GSE1: variants seen among roughly 807,000 people sequenced by gnomAD.
GSE1 encodes genetic suppressor element 1.
Under a neutral mutation model 112.6 loss-of-function variants are expected in GSE1, and 32 were observed. The observed-to-expected ratio is 0.28, with a 90% confidence interval of 0.21 to 0.38. The LOEUF is 0.38. GSE1 is among the 10% of genes least tolerant of loss of function. The pLI is 1.00. For missense variants in GSE1, 2,348 were observed against 1,699.2 expected (o/e 1.38, Z -6.71); for synonymous variants, 1,115 against 735.6 (o/e 1.52, Z -8.35).
At chr16:85,669,837 G>C (rs1235618724) in intron 14 of GSE1, among the ~76,000 whole-genome samples, 1 of 152,136 alleles carries the variant, frequency 6.6e-6, no homozygotes, top group African/African-American at 2.4e-5. Context: ...CAATGTGTGG[G>C]GTGCCCTCTT....
chr16:85,664,157 AAACAACGCAGCCAC>A (rs2052649769), intron 11 of GSE1, among the ~76,000 whole-genome samples: 1 of 152,224 alleles, frequency 6.6e-6, no homozygotes, highest in Non-Finnish European at 1.5e-5. Flanking sequence ...ATAGCAGAAG[AAACAACGCAGCCAC>A]AACACCTGCT....
At chr16:85,322,742 A>G in intron 1 of GSE1, among the ~76,000 whole-genome samples, 1 of 151,396 alleles carries the variant, frequency 6.6e-6, no homozygotes, top group East Asian at 1.9e-4. Flanking sequence ...CAGCCTCCTG[A>G]GTAGCTGGGA....
In GSE1 at chr16:85,373,457, C is replaced by G. The variant is rs1157384323; in HGVS notation, c.2464+15814C>G. Among the ~76,000 whole-genome samples, 42 of 151,654 alleles carry G rather than the reference C, an allele frequency of 2.8e-4. No individual in the cohort carries two copies. The highest frequency in any genetic ancestry group is 2.4e-4 in the Non-Finnish European group (16 of 68,014). ...GGGGAGGGGACGAGAACCTCTCCCC[C>G]TCCGCTGCTTTCCAGCTCAGCCTGT... On this transcript the variant is annotated intron_variant, in intron 2 of 2. Coordinates refer to the GSE1 transcript ENST00000637419. This position sits in a 1 kb window ranked among gnomAD's most constrained non-coding sequence, Gnocchi z 5.1.
intron 2 of GSE1, among the ~76,000 whole-genome samples, chr16:85,385,840 C>T (rs1165035546): frequency 6.6e-6 from 1 of 152,172 alleles, no homozygotes; most frequent in Non-Finnish European, 1.5e-5. Context: ...GGGTGACCCC[C>T]GGGCCAGGAC....
chr16:85,422,163 C>T (rs978574463), intron 2 of GSE1, among the ~76,000 whole-genome samples: 26 of 152,192 alleles, frequency 1.7e-4, no homozygotes, highest in Non-Finnish European at 3.7e-4. Flanking sequence ...ACCTCGGCCC[C>T]CTCCTCCCCT....
chr16:85,215,638 C>G (rs536099266), intron 1 of GSE1, among the ~76,000 whole-genome samples: 1 of 152,194 alleles, frequency 6.6e-6, no homozygotes, highest in Admixed American at 6.5e-5. Flanking sequence ...GTGCCTGACA[C>G]GCGGCTGTTG....
At chr16:85,208,155 G>T (rs1488533045) in intron 1 of GSE1, among the ~76,000 whole-genome samples, 2 of 152,154 alleles carry the variant, frequency 1.3e-5, no homozygotes, top group Non-Finnish European at 2.9e-5. Context: ...ACTTTGGATG[G>T]GTCATGCTGT....
chr16:85,402,996 G>A (rs767139203), intron 2 of GSE1, among the ~76,000 whole-genome samples: 1 of 152,008 alleles, frequency 6.6e-6, no homozygotes, highest in African/African-American at 2.4e-5. Context: ...TCAGGGATCC[G>A]GATCCAGCTT....
At position 85,264,237 on chromosome 16, in the gene GSE1, G is replaced by A. The variant is rs147323842; in HGVS notation, c.2283+92430G>A. On this transcript the variant is annotated intron_variant, in intron 1 of 2. Transcript: ENST00000637419. Reference sequence around the variant, plus strand: ...GTTGGGGTAGAGGGGCCCTTGACCCGTGGGGTGGAATATCACGTCCCTGGT... The same window carrying A: ...GTTGGGGTAGAGGGGCCCTTGACCCATGGGGTGGAATATCACGTCCCTGGT... 6.7e-3 allele frequency among the ~76,000 whole-genome samples: 1,023 copies of A among 152,226 alleles called. 8 individuals carry two copies. Among genetic ancestry groups the A allele is most frequent in the Non-Finnish European group, 0.011 (714 of 67,998 alleles).
chr16:85,635,260 G>T (rs1021911042), intron 2 of GSE1, among the ~76,000 whole-genome samples: 4 of 152,190 alleles, frequency 2.6e-5, no homozygotes, highest in Admixed American at 6.5e-5. Context: ...ATTGGCCCAG[G>T]AGGGAGGCCC....
rs1003558730 is a variant in GSE1 at position 85,583,805 on chromosome 16, C to G, written c.37+27442C>G. Among the ~76,000 whole-genome samples, 7 of 152,330 alleles carry G rather than the reference C, an allele frequency of 4.6e-5. No homozygotes were observed. In the South Asian group the frequency reaches 8.3e-4, roughly 18 times the overall value. ...GTGCCACGAGAAATGAGGCCTGACCCAGAAAAGGCAATTGCTGGAGGGGCT... is the reference window on the plus strand; with the variant it reads ...GTGCCACGAGAAATGAGGCCTGACCGAGAAAAGGCAATTGCTGGAGGGGCT... On this transcript the variant is annotated intron_variant, in intron 1 of 2. Coordinates refer to the GSE1 transcript ENST00000635906.
intron 1 of GSE1, among the ~76,000 whole-genome samples, chr16:85,301,054 C>T (rs1323874908): frequency 6.6e-6 from 1 of 152,196 alleles, no homozygotes; most frequent in Non-Finnish European, 1.5e-5. Context: ...CAGAATTCCC[C>T]TGTGGTTGCA....
intron 1 of GSE1, among the ~76,000 whole-genome samples, chr16:85,200,122 T>G (rs2075001343): frequency 6.6e-6 from 1 of 152,104 alleles, no homozygotes; most frequent in Non-Finnish European, 1.5e-5. Context: ...CTTCACCCGC[T>G]TGCTGACACC....
chr16:85,671,046 C>T lies in GSE1; in HGVS notation c.3467C>T (p.Ala1156Val). 1 of 1,612,702 alleles carries T rather than the reference C, an allele frequency of 6.2e-7. No homozygotes were observed. Among genetic ancestry groups the T allele is most frequent in the Non-Finnish European group, 8.5e-7 (1 of 1,178,780 alleles). The change falls in exon 15 of 16, where the codon GCC (alanine) becomes GTC (valine). Residue 1156 changes from alanine to valine, a missense_variant. Transcript: ENST00000253458. ...CAGACACAATGTAGACGACTGGAGG[C>T]CCGGCACTACAGCCTCAGCCTGACG... ...VLQTQCRRLE[A>V]RHYSLSLTAE...
intron 1 of GSE1, among the ~76,000 whole-genome samples, chr16:85,590,186 CTGAA>C (rs757881378): frequency 2.8e-4 from 43 of 151,344 alleles, no homozygotes; most frequent in African/African-American, 7.0e-4. Flanking sequence ...GTGTATGTCA[CTGAA>C]TGAATGTGTG....
chr16:85,411,111 GCCCCCC>G (rs2048527497), intron 2 of GSE1, among the ~76,000 whole-genome samples: 1 of 112,370 alleles, frequency 8.9e-6, no homozygotes, highest in Admixed American at 9.5e-5. Context: ...TTACACTCAG[GCCCCCC>G]GGATAATCCT....
chr16:85,489,043 C>T (rs12600258), intron 2 of GSE1, among the ~76,000 whole-genome samples: 26,676 of 152,090 alleles, frequency 0.18, 2,536 homozygotes, highest in African/African-American at 0.25. Context: ...CCAGAGCTGC[C>T]GTCCGCAGAC....
At chr16:85,245,352 C>T (rs1045350011) in intron 1 of GSE1, among the ~76,000 whole-genome samples, 2 of 152,220 alleles carry the variant, frequency 1.3e-5, no homozygotes, top group African/African-American at 2.4e-5. Context: ...CCGAGACTTT[C>T]TGCCGGGAGC....
At chr16:85,321,679 G>A (rs1196850333) in intron 1 of GSE1, among the ~76,000 whole-genome samples, 1 of 151,816 alleles carries the variant, frequency 6.6e-6, no homozygotes, top group Non-Finnish European at 1.5e-5. Flanking sequence ...ACTGGGTGTG[G>A]TGGTGTGCTC....
Sources: gnomAD v4.1 joint callset for allele counts (sites outside exome capture counted in the v4.1 genomes callset) on GRCh38, gnomAD v4.1.1 for gene constraint, Gnocchi (gnomAD v3.1) non-coding constraint, MANE v1.5 for transcripts, NCBI Gene and HGNC (gene_info 2026-07-23, HGNC 2026-07-21) for gene names.